The following MARK2 variants were observed in gnomAD, a reference collection of about 807,000 sequenced individuals.
MARK2 encodes the protein serine/threonine-protein kinase MARK2.
A neutral mutation model predicts 89.8 loss-of-function variants in MARK2; 16 were observed. The observed-to-expected ratio is 0.18, with a 90% CI of 0.12 to 0.27. MARK2 has a LOEUF of 0.27. Ranked by LOEUF, MARK2 falls within the 10% of genes least tolerant of loss-of-function variation. The pLI is 1.00. For synonymous variants in MARK2, 382 were observed against 399.5 expected, an observed-to-expected ratio of 0.96 and a Z score of 0.52; for missense variants, 621 against 1,049.9, an observed-to-expected ratio of 0.59 and a Z score of 5.65.
intron 1 of MARK2, among the ~76,000 whole-genome samples, chr11:63,839,865 C>T (rs572391537): frequency 1.1e-4 from 16 of 152,210 alleles, no homozygotes; most frequent in African/African-American, 3.9e-4. Context: ...CTCTCAGGGG[C>T]CTTTCTGGTC....
chr11:63,853,587 C>G (rs2016681729), intron 1 of MARK2, among the ~76,000 whole-genome samples: 1 of 152,120 alleles, frequency 6.6e-6, no homozygotes, highest in African/African-American at 2.4e-5. Flanking sequence ...GATAAATATT[C>G]AAAGGGTTGA....
intron 1 of MARK2, chr11:63,868,973 A>G (rs1026694925): frequency 7.0e-6 from 3 of 426,410 alleles, no homozygotes; most frequent in African/African-American, 6.1e-5. Context: ...TGATTGACCC[A>G]TGAACTGTGA....
rs766807125 is a variant in MARK2 at position 63,890,281 on chromosome 11, A to C, written c.55-4878A>C. The C allele has an allele frequency of 3.7e-6, 5 of 1,345,342 alleles. No homozygotes were observed. In the Admixed American group the frequency reaches 7.7e-5, roughly 21 times the overall value. 83.3% of individuals were successfully genotyped at this position (1,345,342 alleles called of 1,614,324 possible). ...TGTGGGAAACATCTTACAGCATAGA[A>C]GAAGGGGTGCAGGGGTAAGTAAGGG... is the stretch of plus-strand genomic sequence containing the variant. On this transcript the variant is annotated intron_variant, in intron 1 of 18. Transcript: ENST00000402010.
At chr11:63,842,341 T>C (rs914724169) in intron 1 of MARK2, among the ~76,000 whole-genome samples, 2 of 151,878 alleles carry the variant, frequency 1.3e-5, no homozygotes, top group Non-Finnish European at 2.9e-5. Flanking sequence ...CTCAGCCTCC[T>C]GAGTAGCTGG....
At chr11:63,876,352 C>T (rs1938755279) in intron 1 of MARK2, among the ~76,000 whole-genome samples, 1 of 152,194 alleles carries the variant, frequency 6.6e-6, no homozygotes, top group South Asian at 2.1e-4. Flanking sequence ...TGGCAACCTA[C>T]AGAATAAGTT....
At chr11:63,850,680 A>G (rs2016531267) in intron 1 of MARK2, among the ~76,000 whole-genome samples, 1 of 152,144 alleles carries the variant, frequency 6.6e-6, no homozygotes, top group African/African-American at 2.4e-5. Context: ...CCGTGGCTAG[A>G]AGGCCAAATC....
At chr11:63,839,909 C>T (rs2015923091) in intron 1 of MARK2, among the ~76,000 whole-genome samples, 2 of 152,228 alleles carry the variant, frequency 1.3e-5, no homozygotes, top group South Asian at 4.2e-4. Context: ...GCCACCCTCC[C>T]GCTCCTCGAA....
chr11:63,896,028 C>T (rs1007901258), intron 3 of MARK2, among the ~76,000 whole-genome samples: 1 of 152,136 alleles, frequency 6.6e-6, no homozygotes, highest in Non-Finnish European at 1.5e-5. Context: ...CCCATTTAGA[C>T]CTTCTCTTGA....
intron 11 of MARK2, among the ~76,000 whole-genome samples, chr11:63,901,880 A>G (rs551456181): frequency 4.9e-4 from 75 of 152,108 alleles, no homozygotes; most frequent in African/African-American, 1.7e-3. Flanking sequence ...ACCTGGTGAC[A>G]CTTGGTATAG....
chr11:63,891,549 A>G lies in MARK2; in HGVS notation c.55-3610A>G, dbSNP rs1470174345. On this transcript the variant is annotated intron_variant, in intron 1 of 18. Transcript: ENST00000402010. ...TGCCCAGATTTGGTCTCAGTTGGCA[A>G]AAGGCCCAAGTCTGCAGGTAGATGC... Among the ~76,000 whole-genome samples, 3 of 152,338 alleles carry G rather than the reference A, an allele frequency of 2.0e-5. No homozygotes were observed. In the South Asian group the frequency reaches 6.2e-4, roughly 32 times the overall value.
intron 1 of MARK2, among the ~76,000 whole-genome samples, chr11:63,875,111 C>T (rs922172999): frequency 1.3e-5 from 2 of 149,528 alleles, no homozygotes; most frequent in Non-Finnish European, 3.0e-5. Flanking sequence ...CCACCATGCC[C>T]AGCTAATTTT....
Position 63,904,086 on chromosome 11 carries a change from C to T in MARK2, c.1615C>T (p.His539Tyr). ...QHQKSMSASV[H>Y]PNKASGLPPT... is the part of the protein sequence containing the mutation. ...CCAGAAATCCATGTCGGCCTCCGTG[C>T]ACCCCAACAAGGCCTCTGGGCTGCC... The change falls in exon 15 of 19, where the codon CAC (histidine) becomes TAC (tyrosine). Residue 539 changes from histidine (H) to tyrosine (Y), a missense_variant. Around this residue, in one of 5 missense-constraint regions of MARK2, gnomAD observed 397 missense variants for 567.8 expected, o/e 0.70. Transcript: ENST00000402010. The surrounding 1 kb of genome is among the most constrained non-coding windows in gnomAD (Gnocchi z 6.3). 1 of 1,605,208 alleles carries T rather than the reference C, an allele frequency of 6.2e-7. No individual in the cohort carries two copies. Among genetic ancestry groups the T allele is most frequent in the Non-Finnish European group, 8.5e-7 (1 of 1,179,220 alleles).
chr11:63,855,308 C>T (rs1423740290), intron 1 of MARK2, among the ~76,000 whole-genome samples: 1 of 152,102 alleles, frequency 6.6e-6, no homozygotes, highest in Non-Finnish European at 1.5e-5. Context: ...CGCTTGAGGT[C>T]AGAAGTTCAA....
chr11:63,865,973 TA>T (rs1938106703), intron 1 of MARK2, among the ~76,000 whole-genome samples: 1 of 152,238 alleles, frequency 6.6e-6, no homozygotes, highest in Non-Finnish European at 1.5e-5. Flanking sequence ...ATGTCTCTTC[TA>T]CCCTGCTCTC....
chr11:63,904,488 T>C lies in MARK2; in HGVS notation c.1677-298T>C, dbSNP rs368801516. ...TCAAGGGTTGGTCCCCATTGCCGCC[T>C]TGAGGGTCCAGTCTGCCCGGCTCCC... is the stretch of plus-strand genomic sequence containing the variant. On this transcript the variant is annotated intron_variant, in intron 15 of 18. Transcript: ENST00000402010. The surrounding 1 kb of genome is among the most constrained non-coding windows in gnomAD (Gnocchi z 6.3). Among the ~76,000 whole-genome samples, 16 of 152,234 alleles carry C rather than the reference T, an allele frequency of 1.1e-4. No homozygotes were observed. The highest frequency in any genetic ancestry group is 3.9e-4 in the African/African-American group (16 of 41,530).
chr11:63,847,468 A>AGGC (rs1236803156), intron 1 of MARK2, among the ~76,000 whole-genome samples: 2 of 152,184 alleles, frequency 1.3e-5, no homozygotes, highest in Non-Finnish European at 2.9e-5. Flanking sequence ...AACATGAGGA[A>AGGC]GGCGGAGCAG....
At chr11:63,848,418 C>G (rs1424293091) in intron 1 of MARK2, among the ~76,000 whole-genome samples, 1 of 152,198 alleles carries the variant, frequency 6.6e-6, no homozygotes, top group African/African-American at 2.4e-5. Context: ...CGGAGTCTTG[C>G]TCTGTTGCCC....
intron 1 of MARK2, among the ~76,000 whole-genome samples, chr11:63,865,334 G>T (rs1938069676): frequency 6.6e-6 from 1 of 151,892 alleles, no homozygotes; most frequent in Non-Finnish European, 1.5e-5. Context: ...GGCCCCCAAG[G>T]TTCAAGCGAC....
At chr11:63,894,782 C>T (rs1159300889) in intron 1 of MARK2, among the ~76,000 whole-genome samples, 1 of 152,184 alleles carries the variant, frequency 6.6e-6, no homozygotes, top group Non-Finnish European at 1.5e-5. Flanking sequence ...CATGTAGCTA[C>T]CATGACTTTG....
Sources: allele counts gnomAD v4.1 joint callset (sites outside exome capture counted in the v4.1 genomes callset), GRCh38; gene constraint gnomAD v4.1.1; regional missense constraint gnomAD v4.1.1; non-coding constraint Gnocchi (gnomAD v3.1); transcripts MANE v1.5; gene names NCBI Gene and HGNC (gene_info 2026-07-23, HGNC 2026-07-21).